Variants in VPS26A observed in about 807,000 individuals in gnomAD.
VPS26A encodes the protein VPS26 retromer complex component A.
Under a neutral mutation model 42.4 loss-of-function variants are expected in VPS26A, and 22 were observed. The ratio of observed to expected loss-of-function variants is 0.52; its 90% CI spans 0.37 to 0.74. The LOEUF is 0.74. Ranked by LOEUF, VPS26A falls within the 30% of genes least tolerant of loss-of-function variation. The pLI is 0.00. For missense variants in VPS26A, 276 were observed against 379.2 expected, an observed-to-expected ratio of 0.73 and a Z score of 2.26; for synonymous variants, 110 against 123.5, an observed-to-expected ratio of 0.89 and a Z score of 0.73.
intron 3 of VPS26A, among the ~76,000 whole-genome samples, 170 bp from the exon 4 acceptor site, chr10:69,156,837 A>G (rs76315860): frequency 0.017 from 2,601 of 152,304 alleles, 65 homozygotes; most frequent in African/African-American, 0.058. Context: ...TTATGCCTAC[A>G]TGAAGTATAA....
intron 2 of VPS26A, among the ~76,000 whole-genome samples, chr10:69,152,341 C>CTTGT (rs1441027803): frequency 3.9e-5 from 6 of 152,216 alleles, no homozygotes; most frequent in African/African-American, 1.4e-4. Context: ...TCGGCATATA[C>CTTGT]TTGTATACAA....
At position 69,162,440 on chromosome 10, in the gene VPS26A, T is replaced by A; in HGVS notation, c.586T>A (p.Tyr196Asn). 1 of 1,552,114 alleles carries A rather than the reference T, an allele frequency of 6.4e-7. No homozygotes were observed. The highest frequency in any genetic ancestry group is 1.1e-5 in the South Asian group (1 of 88,312). The change falls in exon 6 of 9, where the codon TAC becomes AAC. Residue 196 changes from tyrosine (Y) to asparagine (N), a missense_variant. By Grantham distance (143) the Tyr-to-Asn change is moderately radical. Coordinates refer to ENST00000263559, the MANE Select transcript of VPS26A (RefSeq NM_004896.5). ...HLKDVIVGKI[Y>N]FLLVRIKIQH... ...AAAGGATGTGATTGTTGGAAAAATTTACTTCTTATTAGTAAGAATAAAAAT... is the reference window on the plus strand; with the variant it reads ...AAAGGATGTGATTGTTGGAAAAATTAACTTCTTATTAGTAAGAATAAAAAT...
intron 2 of VPS26A, among the ~76,000 whole-genome samples, chr10:69,143,353 C>G (rs1254152563): frequency 6.6e-6 from 1 of 152,144 alleles, no homozygotes; most frequent in Non-Finnish European, 1.5e-5. Context: ...TGGCTTTGCA[C>G]TGTAGGATGC....
rs533251881 is a variant in VPS26A at position 69,159,694 on chromosome 10, A to G, written c.551+1483A>G. Among the ~76,000 whole-genome samples, 8 of 152,352 alleles carry G rather than the reference A, an allele frequency of 5.3e-5. 1 individual carries two copies. The highest frequency in any genetic ancestry group is 2.6e-4 in the Admixed American group (4 of 15,304). ...TAAAAAGTTATATATCATTCTAAATATAACTACAATACTCTTATATCTAAA... is the reference window on the plus strand; with the variant it reads ...TAAAAAGTTATATATCATTCTAAATGTAACTACAATACTCTTATATCTAAA... On this transcript the variant is annotated intron_variant, in intron 5 of 8. Transcript: ENST00000263559.
chr10:69,165,093 A>G (rs957913214), intron 6 of VPS26A, among the ~76,000 whole-genome samples: 1 of 151,762 alleles, frequency 6.6e-6, no homozygotes, highest in Non-Finnish European at 1.5e-5. Flanking sequence ...ATGCCTGGCT[A>G]ATTTTTGTAT....
In VPS26A at chr10:69,173,279, C is replaced by CA. The variant is rs1841857072; in HGVS notation, c.*2011dup. 6.6e-6 allele frequency among the ~76,000 whole-genome samples: 1 copy of CA among 152,118 alleles called. No homozygotes were observed. The highest frequency in any genetic ancestry group is 2.4e-5 in the African/African-American group (1 of 41,430). On this transcript the variant is annotated 3_prime_UTR_variant, in exon 9 of 9. Transcript: ENST00000263559. ...TCACCTTAGAAGCTTTTAAAATAAC[C>CA]AGGCCCGGGTCCTACTCTGACCAAT...
At position 69,131,463 on chromosome 10, in the gene VPS26A, G is replaced by A. The variant is rs564909667; in HGVS notation, c.4-1435G>A. ...AAAAAGATCATTCTGGGCCGGGCGC[G>A]GTGGCTCATGCCTGTAATCCCAGCA... On this transcript the variant is annotated intron_variant, in intron 1 of 8. Transcript: ENST00000263559. 2.0e-5 allele frequency among the ~76,000 whole-genome samples: 3 copies of A among 152,000 alleles called. No individual in the cohort carries two copies. In the South Asian group the frequency reaches 6.2e-4, roughly 32 times the overall value.
chr10:69,128,324 T>C (rs1267175875), intron 1 of VPS26A, among the ~76,000 whole-genome samples: 1 of 150,904 alleles, frequency 6.6e-6, no homozygotes, highest in Admixed American at 6.6e-5. Flanking sequence ...TTCTGCCTCC[T>C]GGGTTCAAGC....
chr10:69,169,390 C>T (rs1841765289), intron 8 of VPS26A, among the ~76,000 whole-genome samples: 1 of 152,184 alleles, frequency 6.6e-6, no homozygotes, highest in Admixed American at 6.5e-5. Context: ...ACAATTCTGT[C>T]ATAATGTCCA....
chr10:69,151,264 C>CAAAAAAAA (rs1192297497), intron 2 of VPS26A, among the ~76,000 whole-genome samples: 75 of 30,270 alleles, frequency 2.5e-3, no homozygotes, highest in African/African-American at 8.5e-3. Flanking sequence ...GACTCCATGT[C>CAAAAAAAA]AAAAAAAAAA....
chr10:69,169,271 T>G (rs1295656328), intron 8 of VPS26A, among the ~76,000 whole-genome samples: 1 of 151,360 alleles, frequency 6.6e-6, no homozygotes, highest in African/African-American at 2.4e-5. Context: ...TATTACTATT[T>G]TTATTTTTTA....
At chr10:69,154,380 T>G (rs1841384004) in intron 2 of VPS26A, among the ~76,000 whole-genome samples, 1 of 150,692 alleles carries the variant, frequency 6.6e-6, no homozygotes, top group South Asian at 2.1e-4. Context: ...CCACCAAAAA[T>G]ACAAAATTAG....
At chr10:69,139,420 C>T (rs1453332800) in intron 2 of VPS26A, among the ~76,000 whole-genome samples, 1 of 152,146 alleles carries the variant, frequency 6.6e-6, no homozygotes, top group Non-Finnish European at 1.5e-5. Context: ...TCTCCTGCCT[C>T]AGCCTCCCAA....
rs573752373 is a variant in VPS26A, at chr10:69,137,862, G to T, written c.153+4815G>T. On this transcript the variant is annotated intron_variant, in intron 2 of 8. Transcript: ENST00000263559. ...TTTTTCTTTTTTTAAGCTGTATTGA[G>T]ATATATATATATATATATATTCGCC... is the stretch of plus-strand genomic sequence containing the variant. 7.1e-3 allele frequency among the ~76,000 whole-genome samples: 1,033 copies of T among 144,878 alleles called. 28 individuals carry two copies. The highest frequency in any genetic ancestry group is 0.026 in the African/African-American group (976 of 36,844).
At chr10:69,129,770 A>G (rs891817206) in intron 1 of VPS26A, among the ~76,000 whole-genome samples, 6 of 152,116 alleles carry the variant, frequency 3.9e-5, no homozygotes, top group Admixed American at 6.5e-5. Flanking sequence ...TGATTCGCCC[A>G]CCTTGGCCTC....
At chr10:69,163,754 ATT>A in intron 6 of VPS26A, among the ~76,000 whole-genome samples, 2 of 149,294 alleles carry the variant, frequency 1.3e-5, no homozygotes, top group East Asian at 3.9e-4. Flanking sequence ...TATAGTTTTA[ATT>A]TTCAGTTTTC....
chr10:69,126,251 C>T (rs1482627944), intron 1 of VPS26A, among the ~76,000 whole-genome samples: 7 of 151,778 alleles, frequency 4.6e-5, no homozygotes, highest in Non-Finnish European at 8.8e-5. Context: ...ACCTTGAAGT[C>T]GGGAGTTTGA....
Position 69,172,739 on chromosome 10 carries a change from A to G in VPS26A, c.*1470A>G, listed in dbSNP as rs901251120. The G allele has an allele frequency of 1.3e-5, 2 of 152,660 alleles. No homozygotes were observed. The highest frequency in any genetic ancestry group is 2.9e-5 in the Non-Finnish European group (2 of 68,036). The allele number at this position is 152,660 out of a possible 1,614,324, so 9.5% of individuals were successfully genotyped here. ...GTTTCAGAATTTTAAAATGCCAAATATTTTCATGGTCATTTGCATGTAGTA... is the reference window on the plus strand; with the variant it reads ...GTTTCAGAATTTTAAAATGCCAAATGTTTTCATGGTCATTTGCATGTAGTA... On this transcript the variant is annotated 3_prime_UTR_variant, in exon 9 of 9. Coordinates refer to ENST00000263559, the MANE Select transcript of VPS26A (RefSeq NM_004896.5).
At chr10:69,159,017 C>T (rs1841493510) in intron 5 of VPS26A, among the ~76,000 whole-genome samples, 1 of 152,020 alleles carries the variant, frequency 6.6e-6, no homozygotes, top group Non-Finnish European at 1.5e-5. Flanking sequence ...TTTAAATGCC[C>T]ACTGGTATTA....
Sources: allele counts gnomAD v4.1 joint callset (sites outside exome capture counted in the v4.1 genomes callset), GRCh38; gene constraint gnomAD v4.1.1; transcripts MANE v1.5; gene names NCBI Gene and HGNC (gene_info 2026-07-23, HGNC 2026-07-21).